The following GRM1 variants were observed in gnomAD, a reference collection of about 807,000 sequenced individuals.
GRM1 encodes the protein metabotropic glutamate receptor 1.
A neutral mutation model predicts 90.9 loss-of-function variants in GRM1; 33 were observed. That is an observed-to-expected ratio of 0.36 (90% CI 0.28 to 0.49). The LOEUF (loss-of-function observed/expected upper bound fraction) is 0.49, where lower values mean the gene tolerates loss of function less well. GRM1 is among the 20% of genes least tolerant of loss of function. The pLI is 0.99. For missense variants in GRM1, 1,190 were observed against 1,534.3 expected, an observed-to-expected ratio of 0.78 and a Z score of 3.75; for synonymous variants, 700 against 613.2, an observed-to-expected ratio of 1.14 and a Z score of -2.09.
intron 1 of GRM1, among the ~76,000 whole-genome samples, chr6:146,144,648 T>C (rs1414419377): frequency 1.3e-5 from 2 of 151,644 alleles, no homozygotes; most frequent in East Asian, 3.9e-4. Context: ...GCACCAGGAG[T>C]GGGGTTGTTG....
At chr6:146,314,764 G>A (rs938142460) in intron 3 of GRM1, among the ~76,000 whole-genome samples, 1 of 152,058 alleles carries the variant, frequency 6.6e-6, no homozygotes, top group Admixed American at 6.6e-5. Context: ...TGGCAGTTAA[G>A]GTGAAGGGGT....
At chr6:146,331,449 A>C (rs562217635) in intron 3 of GRM1, among the ~76,000 whole-genome samples, 2 of 152,324 alleles carry the variant, frequency 1.3e-5, no homozygotes, top group African/African-American at 4.8e-5. Context: ...GTACAAACCA[A>C]AGAAGAGAGA....
chr6:146,035,377 TG>T (rs1221650369), intron 1 of GRM1, among the ~76,000 whole-genome samples: 2 of 151,998 alleles, frequency 1.3e-5, no homozygotes, highest in Non-Finnish European at 2.9e-5. Context: ...TGGCAAAAGT[TG>T]GTGAGTGGAC....
At chr6:146,140,673 TTAAC>T (rs1304429343) in intron 1 of GRM1, among the ~76,000 whole-genome samples, 2 of 152,328 alleles carry the variant, frequency 1.3e-5, no homozygotes, top group African/African-American at 2.4e-5. Context: ...CAAAAACAAA[TTAAC>T]TAACAAACAA....
chr6:146,419,945 G>A (rs1485597216), intron 7 of GRM1, among the ~76,000 whole-genome samples: 5 of 152,150 alleles, frequency 3.3e-5, no homozygotes, highest in South Asian at 2.1e-4. Context: ...CTTGGGCTTG[G>A]CAGAGAATCA....
Position 146,434,516 on chromosome 6 carries a change from G to T in GRM1, c.3305G>T (p.Arg1102Met). The T allele has an allele frequency of 6.2e-7, 1 of 1,614,130 alleles. No individual in the cohort carries two copies. The highest frequency in any genetic ancestry group is 1.1e-5 in the South Asian group (1 of 91,088). ...GCGGACGACGACGACGACAGCGAGAGGTTTAAGCTCCTCCAGGAGTACGTG... is the reference window on the plus strand; with the variant it reads ...GCGGACGACGACGACGACAGCGAGATGTTTAAGCTCCTCCAGGAGTACGTG... ...PPADDDDDSE[R>M]FKLLQEYVYE... is the part of the protein sequence containing the mutation. Residue 1102 changes from arginine (R) to methionine (M), a missense_variant, in exon 8 of 8, where the codon AGG becomes ATG. Physicochemically the swap from Arg to Met is moderately conservative, Grantham distance 91. Around this residue, in one of 10 missense-constraint regions of GRM1, gnomAD observed 400 missense variants for 360.8 expected, o/e 1.11. Coordinates refer to ENST00000282753, the MANE Select transcript of GRM1 (RefSeq NM_001278064.2).
chr6:146,382,731 G>A (rs1373964781), intron 5 of GRM1, among the ~76,000 whole-genome samples: 1 of 152,122 alleles, frequency 6.6e-6, no homozygotes, highest in Non-Finnish European at 1.5e-5. Context: ...AAAAGAGGAG[G>A]CACTAAAGTT....
intron 3 of GRM1, among the ~76,000 whole-genome samples, chr6:146,309,471 T>C (rs1783703683): frequency 1.3e-5 from 2 of 152,162 alleles, no homozygotes; most frequent in Admixed American, 1.3e-4. Flanking sequence ...TAACGCTGCT[T>C]GAAACTCTAT....
chr6:146,155,733 GGGA>G (rs2128889802), intron 1 of GRM1, among the ~76,000 whole-genome samples: 1 of 152,230 alleles, frequency 6.6e-6, no homozygotes, highest in East Asian at 1.9e-4. Flanking sequence ...AAAGCCTCCT[GGGA>G]TGAACCTTCC....
intron 7 of GRM1, among the ~76,000 whole-genome samples, chr6:146,423,502 A>C (rs1183539001): frequency 6.6e-6 from 1 of 151,480 alleles, no homozygotes; most frequent in Non-Finnish European, 1.5e-5. Context: ...TCAGTAGTTA[A>C]TTAGGGTGTC....
chr6:146,253,595 C>T (rs900601850), intron 2 of GRM1, among the ~76,000 whole-genome samples: 2 of 152,070 alleles, frequency 1.3e-5, no homozygotes, highest in Admixed American at 6.6e-5. Flanking sequence ...TAGGATAGAC[C>T]TTTGTTTCTT....
chr6:146,130,279 TCGTAAGAAAAAGACAAATAATTTTG>T lies in GRM1; in HGVS notation c.701-29068_701-29044del, dbSNP rs1440109442. On this transcript the variant is annotated intron_variant, in intron 1 of 7. Coordinates refer to ENST00000282753, the MANE Select transcript of GRM1 (RefSeq NM_001278064.2). The stretch of plus-strand genomic sequence containing the variant: ...TTCCTTCCTTCCTTCTTTCTTTCTT[TCGTAAGAAAAAGACAAATAATTTTG>T]TGAAGAATTTTATCAGTCAGTACAC... Among the ~76,000 whole-genome samples, 177 of 151,182 alleles carry T rather than the reference TCGTAAGAAAAAGACAAATAATTTTG, an allele frequency of 1.2e-3. 3 individuals carry two copies. In the East Asian group the frequency reaches 0.021, roughly 18 times the overall value.
At chr6:146,309,385 C>T (rs1046589073) in intron 3 of GRM1, among the ~76,000 whole-genome samples, 27 of 150,038 alleles carry the variant, frequency 1.8e-4, no homozygotes, top group Non-Finnish European at 2.4e-4. Context: ...AGTGACAGAG[C>T]GAGACTCTGT....
rs267600850 is a variant in GRM1, at chr6:146,399,409, C to T, written c.2370C>T (p.Thr790=). 1 of 1,614,194 alleles carries T rather than the reference C, an allele frequency of 6.2e-7. No individual in the cohort carries two copies. The change falls in exon 7 of 8, where the codon ACC becomes ACT. Residue 790 remains threonine (T), a synonymous_variant. Coordinates refer to ENST00000282753, the MANE Select transcript of GRM1 (RefSeq NM_001278064.2). The surrounding 1 kb of genome is among the most constrained non-coding windows in gnomAD (Gnocchi z 5.4). ...NFNEAKYIAF[T]MYTTCIIWLA... ...ACGAGGCCAAATATATCGCGTTCAC[C>T]ATGTACACCACCTGTATCATCTGGC...
chr6:146,344,599 G>A (rs1373921572), intron 3 of GRM1, among the ~76,000 whole-genome samples: 1 of 151,940 alleles, frequency 6.6e-6, no homozygotes, highest in East Asian at 1.9e-4. Flanking sequence ...TTTTTATTAG[G>A]CCCTCGGGAA....
intron 1 of GRM1, among the ~76,000 whole-genome samples, chr6:146,031,431 T>A (rs1790703363): frequency 6.6e-6 from 1 of 152,180 alleles, no homozygotes; most frequent in Admixed American, 6.5e-5. Context: ...TGAGGTCTGA[T>A]TATAGAAATT....
rs362957 is a variant in GRM1, at chr6:146,306,511, A to G, written c.1186+1665A>G. On this transcript the variant is annotated intron_variant, in intron 3 of 7. Coordinates refer to ENST00000282753, the MANE Select transcript of GRM1 (RefSeq NM_001278064.2). ...TTGCTTTCTAATTGTTTCCTAAGAAATGTTTGCCATCTTCAACTGTAATAT... is the reference window on the plus strand; with the variant it reads ...TTGCTTTCTAATTGTTTCCTAAGAAGTGTTTGCCATCTTCAACTGTAATAT... Among the ~76,000 whole-genome samples, 364 of 152,318 alleles carry G rather than the reference A, an allele frequency of 2.4e-3. 6 individuals are homozygous for G. The highest frequency in any genetic ancestry group is 0.021 in the Admixed American group (318 of 15,294).
At chr6:146,032,144 T>C (rs1191349803) in intron 1 of GRM1, among the ~76,000 whole-genome samples, 1 of 152,202 alleles carries the variant, frequency 6.6e-6, no homozygotes, top group Non-Finnish European at 1.5e-5. Flanking sequence ...TATTATAATT[T>C]TGCCCATGTG....
chr6:146,298,543 T>C (rs1230031034), intron 2 of GRM1, among the ~76,000 whole-genome samples: 4 of 152,246 alleles, frequency 2.6e-5, no homozygotes, highest in African/African-American at 9.6e-5. Flanking sequence ...TGAAGTCCTG[T>C]AGCCAACAGT....
Sources: gnomAD v4.1 joint callset for allele counts (sites outside exome capture counted in the v4.1 genomes callset) on GRCh38, gnomAD v4.1.1 for gene constraint, gnomAD v4.1.1 regional missense constraint, Gnocchi (gnomAD v3.1) non-coding constraint, MANE v1.5 for transcripts, NCBI Gene and HGNC (gene_info 2026-07-23, HGNC 2026-07-21) for gene names.